TAOK1: variants seen among roughly 807,000 people sequenced by gnomAD.
TAOK1 encodes TAO kinase 1.
Under a neutral mutation model 138.3 loss-of-function variants are expected in TAOK1, and 21 were observed. The ratio of observed to expected loss-of-function variants is 0.15; its 90% CI spans 0.11 to 0.22. TAOK1 has a LOEUF of 0.22. TAOK1 is among the 10% of genes least tolerant of loss of function. The probability of loss-of-function intolerance (pLI) is 1.00; values close to 1 mark genes in which losing one functional copy is unlikely to be tolerated. For missense variants in TAOK1, 651 were observed against 1,227.7 expected, an observed-to-expected ratio of 0.53 and a Z score of 7.02; for synonymous variants, 361 against 398.4, an observed-to-expected ratio of 0.91 and a Z score of 1.12.
At chr17:29,504,744 A>T (rs1441685533) in intron 13 of TAOK1, among the ~76,000 whole-genome samples, 1 of 152,218 alleles carries the variant, frequency 6.6e-6, no homozygotes, top group East Asian at 1.9e-4. Context: ...TGACTTCTCA[A>T]CTATGTAATA....
intron 17 of TAOK1, among the ~76,000 whole-genome samples, chr17:29,523,042 T>A (rs2031945600): frequency 7.3e-6 from 1 of 136,416 alleles, no homozygotes; most frequent in Non-Finnish European, 1.5e-5. Flanking sequence ...ACCACAGCAC[T>A]CCAGCCCGGG....
At position 29,534,086 on chromosome 17, in the gene TAOK1, CT is replaced by C. The variant is rs763177640; in HGVS notation, c.2362-22del. The C allele has an allele frequency of 7.1e-4, 1,030 of 1,451,096 alleles. 3 individuals carry two copies. Among genetic ancestry groups the C allele is most frequent in the South Asian group, 3.8e-3 (281 of 73,174 alleles). The allele number at this position is 1,451,096 out of a possible 1,614,324, so 89.9% of individuals were successfully genotyped here. ...ATTGATAGCTAACATTAGGATATATCTTTTTTTTTTCTCTCTCTCTCTCTGT... is the reference window on the plus strand; with the variant it reads ...ATTGATAGCTAACATTAGGATATATCTTTTTTTTTCTCTCTCTCTCTCTGT... On this transcript the variant is annotated intron_variant, in intron 18 of 19. Transcript: ENST00000261716.
chr17:29,536,145 A>C (rs1239378710), intron 19 of TAOK1, among the ~76,000 whole-genome samples: 3 of 152,078 alleles, frequency 2.0e-5, no homozygotes, highest in Admixed American at 6.6e-5. Context: ...CTGAAAATAC[A>C]AAAATTAACC....
At chr17:29,405,156 A>G (rs1173105046) in intron 1 of TAOK1, among the ~76,000 whole-genome samples, 2 of 151,930 alleles carry the variant, frequency 1.3e-5, no homozygotes, top group Non-Finnish European at 2.9e-5. Flanking sequence ...ATTTTTGTAT[A>G]TATATATTTT....
intron 2 of TAOK1, among the ~76,000 whole-genome samples, chr17:29,465,681 T>C (rs935170711): frequency 1.3e-5 from 2 of 152,112 alleles, no homozygotes; most frequent in African/African-American, 2.4e-5. Flanking sequence ...AACGAGTTCT[T>C]GCACAGATGG....
At chr17:29,476,721 T>C (rs1167713372) in intron 4 of TAOK1, among the ~76,000 whole-genome samples, 1 of 152,198 alleles carries the variant, frequency 6.6e-6, no homozygotes, top group Non-Finnish European at 1.5e-5. Context: ...CACATCCACC[T>C]ATTATTTTTT....
chr17:29,419,538 G>A (rs1905364933), intron 1 of TAOK1, among the ~76,000 whole-genome samples: 1 of 147,528 alleles, frequency 6.8e-6, no homozygotes, highest in Non-Finnish European at 1.5e-5. Flanking sequence ...TGTTGTCTAG[G>A]CTGGAGTGCA....
intron 1 of TAOK1, among the ~76,000 whole-genome samples, chr17:29,409,974 G>A (rs1001896322): frequency 6.6e-6 from 1 of 152,102 alleles, no homozygotes; most frequent in Non-Finnish European, 1.5e-5. Context: ...GCTGTTGGAA[G>A]CACTCTATCT....
rs1312245876 is a variant in TAOK1 at position 29,550,462 on chromosome 17, G to A, written c.*7440G>A. 2.0e-5 allele frequency: 3 copies of A among 152,096 alleles called. No homozygotes were observed. The highest frequency in any genetic ancestry group is 6.5e-5 in the Admixed American group (1 of 15,270). 9.4% of individuals were successfully genotyped at this position (152,096 alleles called of 1,614,324 possible). ...TAAAATAATGGATGGGTTACTATGA[G>A]CAATTTCGCTTTCAGAACCCCCTTG... On this transcript the variant is annotated 3_prime_UTR_variant, in exon 20 of 20. Transcript: ENST00000261716.
At chr17:29,408,501 C>CCA (rs1905057070) in intron 1 of TAOK1, among the ~76,000 whole-genome samples, 1 of 152,220 alleles carries the variant, frequency 6.6e-6, no homozygotes, top group South Asian at 2.1e-4. Context: ...CAGGCATGAG[C>CCA]CACTGCGCCT....
At chr17:29,391,235 A>C (rs1263126598) in intron 1 of TAOK1, among the ~76,000 whole-genome samples, 1 of 151,790 alleles carries the variant, frequency 6.6e-6, no homozygotes, top group African/African-American at 2.4e-5. Flanking sequence ...CTTTTTCCTG[A>C]GGGTCACCGG....
In TAOK1 at chr17:29,520,502, C is replaced by T. The variant is rs1205400795; in HGVS notation, c.1909-1778C>T. ...GATCTCGGCTCACTGCAACCTTTGC[C>T]TCCTGGGTTCAAGCCATTCCCCTGC... On this transcript the variant is annotated intron_variant, in intron 16 of 19. Coordinates refer to ENST00000261716, the MANE Select transcript of TAOK1 (RefSeq NM_020791.4). Among the ~76,000 whole-genome samples, 5 of 150,546 alleles carry T rather than the reference C, an allele frequency of 3.3e-5. No individual in the cohort carries two copies. In the East Asian group the frequency reaches 8.1e-4, roughly 24 times the overall value.
chr17:29,393,540 C>G (rs992150474), intron 1 of TAOK1, among the ~76,000 whole-genome samples: 1 of 152,122 alleles, frequency 6.6e-6, no homozygotes, highest in African/African-American at 2.4e-5. Flanking sequence ...ATGCTGAGAG[C>G]TGTTAGTCTG....
intron 2 of TAOK1, 30 bp from the exon 3 acceptor site, chr17:29,467,115 A>T: frequency 6.6e-7 from 1 of 1,524,362 alleles, no homozygotes; most frequent in Non-Finnish European, 8.9e-7. Context: ...GTTAATTTTT[A>T]CAGTGCTTCT....
chr17:29,418,226 G>T (rs985752710), intron 1 of TAOK1, among the ~76,000 whole-genome samples: 8 of 152,096 alleles, frequency 5.3e-5, no homozygotes, highest in African/African-American at 1.9e-4. Context: ...CTCTGTTGCC[G>T]AAGCTAAAGT....
intron 9 of TAOK1, 152 bp downstream of exon 9, chr17:29,489,909 A>T (rs2031261895): frequency 2.1e-6 from 1 of 467,348 alleles, no homozygotes; most frequent in Admixed American, 4.3e-5. Context: ...AAATATATTT[A>T]TTCTTTATCA....
intron 17 of TAOK1, among the ~76,000 whole-genome samples, chr17:29,523,267 C>A (rs967478073): frequency 4.0e-5 from 6 of 151,294 alleles, no homozygotes; most frequent in Non-Finnish European, 8.8e-5. Context: ...TAAAGCTGCA[C>A]AGCTACTAGT....
intron 8 of TAOK1, among the ~76,000 whole-genome samples, chr17:29,488,835 A>T (rs1461709169): frequency 6.6e-6 from 1 of 152,168 alleles, no homozygotes; most frequent in African/African-American, 2.4e-5. Flanking sequence ...ATCAAAGCAG[A>T]GATCAGTTGA....
rs2032461327 is a variant in TAOK1 at position 29,549,838 on chromosome 17, A to C, written c.*6816A>C. The C allele has an allele frequency of 6.6e-6, 1 of 152,148 alleles. No individual in the cohort carries two copies. Among genetic ancestry groups the C allele is most frequent in the Non-Finnish European group, 1.5e-5 (1 of 68,012 alleles). 9.4% of individuals were successfully genotyped at this position (152,148 alleles called of 1,614,324 possible). A position where few individuals can be genotyped will look rare whatever the true frequency, so the allele number is the denominator to read the frequency against. ...CTGCTGTCCTTCTTTGCATTTCACA[A>C]TATCAAAGAAACCACCACCCTTCTT... On this transcript the variant is annotated 3_prime_UTR_variant, in exon 20 of 20. Transcript: ENST00000261716.
Sources: allele counts gnomAD v4.1 joint callset (sites outside exome capture counted in the v4.1 genomes callset), GRCh38; gene constraint gnomAD v4.1.1; transcripts MANE v1.5; gene names NCBI Gene and HGNC (gene_info 2026-07-23, HGNC 2026-07-21).